OTULINL: variants seen among roughly 807,000 people sequenced by gnomAD.
The protein encoded by OTULINL is inactive ubiquitin thioesterase OTULINL.
A neutral mutation model predicts 43.9 loss-of-function variants in OTULINL; 42 were observed. The ratio of observed to expected loss-of-function variants is 0.96; its 90% confidence interval spans 0.75 to 1.24. The LOEUF is 1.24. Among genes scored for constraint, OTULINL ranks in the 50% most tolerant of loss-of-function variants. The pLI, the probability that OTULINL is intolerant of heterozygous loss-of-function variation, is 0.00. For missense variants in OTULINL, 411 were observed against 426.4 expected (o/e 0.96, Z 0.32); for synonymous variants, 172 against 153.6 (o/e 1.12, Z -0.88).
chr5:14,584,971 T>C lies in OTULINL; in HGVS notation c.64+3013T>C, dbSNP rs565664826. Among the ~76,000 whole-genome samples the C allele has an allele frequency of 6.6e-5, 10 of 152,254 alleles. No individual in the cohort carries two copies. The South Asian group carries it at 2.1e-3, about 32-fold the overall frequency. On this transcript the variant is annotated intron_variant, in intron 1 of 7. Coordinates refer to ENST00000274217, the MANE Select transcript of OTULINL (RefSeq NM_019018.3). ...TGTGATCAAAAGGTGAGTAGGCAGA[T>C]GGAACTGTTAATAACCCAGTGATTG...
chr5:14,595,505 T>C (rs1311285998), intron 1 of OTULINL, among the ~76,000 whole-genome samples: 1 of 152,090 alleles, frequency 6.6e-6, no homozygotes, highest in Non-Finnish European at 1.5e-5. Context: ...TCTTTTAGTT[T>C]TGTTTTCAGG....
At chr5:14,589,590 A>G (rs1201974598) in intron 1 of OTULINL, among the ~76,000 whole-genome samples, 1 of 152,196 alleles carries the variant, frequency 6.6e-6, no homozygotes, top group Non-Finnish European at 1.5e-5. Flanking sequence ...AGTCCCAGGC[A>G]AACCAGGAGG....
In OTULINL at chr5:14,611,524, A is replaced by G. The variant is rs1759582139; in HGVS notation, c.*1210A>G. 6.6e-6 allele frequency: 1 copy of G among 152,218 alleles called. No homozygotes were observed. Among genetic ancestry groups the G allele is most frequent in the Non-Finnish European group, 1.5e-5 (1 of 68,054 alleles). 9.4% of individuals were successfully genotyped at this position (152,218 alleles called of 1,614,324 possible). ...CCAGAAGGAACGCAGCCCTGCCAAC[A>G]CCTTGATTTTAGCCCAGTGAAGCCT... On this transcript the variant is annotated 3_prime_UTR_variant, in exon 8 of 8. Coordinates refer to ENST00000274217, the MANE Select transcript of OTULINL (RefSeq NM_019018.3).
rs1579932533 is a variant in OTULINL, at chr5:14,614,614, C to G, written c.*4300C>G. On this transcript the variant is annotated 3_prime_UTR_variant, in exon 8 of 8. Coordinates refer to ENST00000274217, the MANE Select transcript of OTULINL (RefSeq NM_019018.3). ...AAGTGGACAGAAAAACACTCACTCACGTATTCAGCCACGTATGGTCTGGAG... is the reference window on the plus strand; with the variant it reads ...AAGTGGACAGAAAAACACTCACTCAGGTATTCAGCCACGTATGGTCTGGAG... 1 of 398,602 alleles carries G rather than the reference C, an allele frequency of 2.5e-6. No individual in the cohort carries two copies. The allele number at this position is 398,602 out of a possible 1,614,324, so 24.7% of individuals were successfully genotyped here.
At chr5:14,601,517 C>A (rs1759389547) in intron 4 of OTULINL, 75 bp downstream of exon 4, 1 of 1,320,096 alleles carries the variant, frequency 7.6e-7, no homozygotes, top group East Asian at 2.3e-5. Context: ...TTCCCTTCTG[C>A]TTTACTAAAT....
intron 1 of OTULINL, among the ~76,000 whole-genome samples, chr5:14,587,288 C>T (rs1313331783): frequency 3.3e-5 from 5 of 152,126 alleles, no homozygotes; most frequent in Admixed American, 1.3e-4. Context: ...GTGTGTCTTC[C>T]GAATGCACCA....
intron 1 of OTULINL, among the ~76,000 whole-genome samples, chr5:14,588,563 A>G (rs1410271515): frequency 6.6e-6 from 1 of 152,248 alleles, no homozygotes; most frequent in African/African-American, 2.4e-5. Flanking sequence ...GCTCTTAGTT[A>G]GCATAAGTGT....
intron 1 of OTULINL, among the ~76,000 whole-genome samples, chr5:14,599,503 A>G (rs962754438): frequency 6.6e-6 from 1 of 151,930 alleles, no homozygotes; most frequent in African/African-American, 2.4e-5. Flanking sequence ...AAAAAAAAAA[A>G]TTGCTAGTGT....
At position 14,610,377 on chromosome 5, in the gene OTULINL, C is replaced by G. The variant is rs1273355228; in HGVS notation, c.*63C>G. Reference sequence around the variant, plus strand: ...GGTGGTCACAGTTGCAATAAAGTCTCTCTCTGAAACCAAAGCTAGCATTTC... The same window carrying G: ...GGTGGTCACAGTTGCAATAAAGTCTGTCTCTGAAACCAAAGCTAGCATTTC... On this transcript the variant is annotated 3_prime_UTR_variant, in exon 8 of 8. Coordinates refer to ENST00000274217, the MANE Select transcript of OTULINL (RefSeq NM_019018.3). 2.0e-6 allele frequency: 3 copies of G among 1,536,168 alleles called. No homozygotes were observed. Among genetic ancestry groups the G allele is most frequent in the East Asian group, 2.3e-5 (1 of 44,264 alleles).
At chr5:14,594,965 A>G (rs1362610370) in intron 1 of OTULINL, among the ~76,000 whole-genome samples, 4 of 152,102 alleles carry the variant, frequency 2.6e-5, no homozygotes, top group Non-Finnish European at 2.9e-5. Context: ...ATCGTCTGCT[A>G]ACTAACCATA....
rs1056159888 is a variant in OTULINL, at chr5:14,608,469, G to A, written c.628-279G>A. Among the ~76,000 whole-genome samples the A allele has an allele frequency of 5.9e-5, 9 of 152,220 alleles. No homozygotes were observed. The South Asian group carries it at 8.3e-4, about 14-fold the overall frequency. On this transcript the variant is annotated intron_variant, in intron 6 of 7. Transcript: ENST00000274217. The stretch of plus-strand genomic sequence containing the variant: ...CAGGTCCATTCATGAGGGCTCCACC[G>A]TCAGGACCTAATCACGTCCCAAAGG...
At chr5:14,609,791 C>T (rs906606876) in intron 7 of OTULINL, among the ~76,000 whole-genome samples, 163 of 152,196 alleles carry the variant, frequency 1.1e-3, no homozygotes, top group Non-Finnish European at 2.0e-3. Context: ...CCACTGCGCC[C>T]GGCTAATTTT....
rs1467224891 is a variant in OTULINL, at chr5:14,581,794, C to G, written c.-101C>G. 1.0e-6 allele frequency: 1 copy of G among 986,374 alleles called. No homozygotes were observed. Among genetic ancestry groups the G allele is most frequent in the Non-Finnish European group, 1.3e-6 (1 of 757,466 alleles). 61.1% of individuals were successfully genotyped at this position (986,374 alleles called of 1,614,324 possible). The stretch of plus-strand genomic sequence containing the variant: ...GCCTCCCCCGCCCTCCCCAGCCCGC[C>G]TCAGGGAAGCGAGCCCGGGCGCCGG... On this transcript the variant is annotated 5_prime_UTR_variant, in exon 1 of 8. Transcript: ENST00000274217.
In OTULINL at chr5:14,601,081, T is replaced by C. The variant is rs1193232588; in HGVS notation, c.181T>C (p.Tyr61His). Residue 61 changes from tyrosine (Y) to histidine (H), a missense_variant, in exon 2 of 8, where the codon TAC becomes CAC. Physicochemically the swap from Tyr to His is moderately conservative, Grantham distance 83 (BLOSUM62 2). Coordinates refer to ENST00000274217, the MANE Select transcript of OTULINL (RefSeq NM_019018.3). ...TTCATTTCTGGTGGCTGCCATCTGC[T>C]ACTTCCGGAGGCTACATTTATATTC... ...AVSFLVAAIC[Y>H]FRRLHLYSGH... 3 of 1,613,754 alleles carry C rather than the reference T, an allele frequency of 1.9e-6. No individual in the cohort carries two copies. The highest frequency in any genetic ancestry group is 2.2e-5 in the South Asian group (2 of 90,968).
intron 5 of OTULINL, 117 bp downstream of exon 5, chr5:14,602,449 T>A: frequency 1.0e-6 from 1 of 978,050 alleles, no homozygotes; most frequent in South Asian, 1.7e-5. Context: ...GATTTTTTTG[T>A]TTTTTTGAGA....
intron 1 of OTULINL, among the ~76,000 whole-genome samples, chr5:14,594,492 G>A (rs1369962924): frequency 6.6e-6 from 1 of 152,184 alleles, no homozygotes; most frequent in Non-Finnish European, 1.5e-5. Context: ...GGGAATGGAG[G>A]TGCTCACCCA....
intron 1 of OTULINL, among the ~76,000 whole-genome samples, chr5:14,585,819 A>T (rs1759094099): frequency 6.6e-6 from 1 of 152,230 alleles, no homozygotes; most frequent in South Asian, 2.1e-4. Flanking sequence ...GATTCTTAAC[A>T]ATCTGTCTGC....
intron 5 of OTULINL, among the ~76,000 whole-genome samples, chr5:14,606,869 A>C (rs1261133856): frequency 6.6e-6 from 1 of 152,246 alleles, no homozygotes; most frequent in Non-Finnish European, 1.5e-5. Flanking sequence ...AACCTGAGGC[A>C]CAAATCTAAA....
At chr5:14,598,875 A>G (rs1759337653) in intron 1 of OTULINL, among the ~76,000 whole-genome samples, 1 of 152,248 alleles carries the variant, frequency 6.6e-6, no homozygotes, top group Non-Finnish European at 1.5e-5. Context: ...TTTCTAAAAA[A>G]CATTTGTACC....
Sources: gnomAD v4.1 joint callset for allele counts (sites outside exome capture counted in the v4.1 genomes callset) on GRCh38, gnomAD v4.1.1 for gene constraint, MANE v1.5 for transcripts, NCBI Gene and HGNC (gene_info 2026-07-23, HGNC 2026-07-21) for gene names.